Variants in RPS6KC1 observed in about 807,000 individuals in gnomAD.
RPS6KC1 encodes ribosomal protein S6 kinase C1.
A neutral mutation model predicts 103.8 loss-of-function variants in RPS6KC1; 54 were observed. That is an observed-to-expected ratio of 0.52 (90% CI 0.42 to 0.65). The LOEUF is 0.65. RPS6KC1 is among the 30% of genes least tolerant of loss of function. The probability of loss-of-function intolerance (pLI) is 0.00; values close to 1 mark genes in which losing one functional copy is unlikely to be tolerated. For synonymous variants in RPS6KC1, 439 were observed against 438.7 expected (o/e 1.00, Z -0.01); for missense variants, 1,151 against 1,253.8 (o/e 0.92, Z 1.24).
the RPS6KC1 span, among the ~76,000 whole-genome samples, chr1:213,676,702 G>A: frequency 3.0e-4 from 46 of 152,280 alleles, no homozygotes; most frequent in African/African-American, 6.7e-4. Context: ...GTGGAGCTAC[G>A]TTTAAAAGTG....
At chr1:213,802,094 T>C in the RPS6KC1 span, among the ~76,000 whole-genome samples, 1 of 152,224 alleles carries the variant, frequency 6.6e-6, no homozygotes, top group African/African-American at 2.4e-5. Flanking sequence ...TCGCTGCCCA[T>C]GACAATGGTG....
At chr1:213,353,114 T>C in the RPS6KC1 span, among the ~76,000 whole-genome samples, 1 of 152,246 alleles carries the variant, frequency 6.6e-6, no homozygotes, top group Non-Finnish European at 1.5e-5. Flanking sequence ...GTGTATTGTC[T>C]ATCTCCACCA....
intron 5 of RPS6KC1, among the ~76,000 whole-genome samples, chr1:213,124,256 G>C (rs1215725678): frequency 2.0e-5 from 3 of 152,138 alleles, no homozygotes; most frequent in African/African-American, 7.2e-5. Context: ...TGCCTTGATG[G>C]TGTTGGTGAA....
chr1:213,689,561 A>G, the RPS6KC1 span, among the ~76,000 whole-genome samples: 1 of 152,194 alleles, frequency 6.6e-6, no homozygotes, highest in East Asian at 1.9e-4. Context: ...AGTCAATCCA[A>G]TTCCATTCTA....
intron 8 of RPS6KC1, among the ~76,000 whole-genome samples, chr1:213,223,600 C>T (rs1423468791): frequency 1.3e-5 from 2 of 152,068 alleles, no homozygotes; most frequent in African/African-American, 4.8e-5. Flanking sequence ...TTTCTTTATC[C>T]ACTCATTGGT....
chr1:213,438,672 T>A, the RPS6KC1 span, among the ~76,000 whole-genome samples: 1 of 152,212 alleles, frequency 6.6e-6, no homozygotes, highest in East Asian at 1.9e-4. Context: ...ATTTTCTACT[T>A]GAATTCTCAG....
At chr1:213,674,785 G>A in the RPS6KC1 span, among the ~76,000 whole-genome samples, 3 of 152,262 alleles carry the variant, frequency 2.0e-5, no homozygotes, top group East Asian at 5.8e-4. Context: ...CTGAAGGCTT[G>A]CCAGCATCTG....
chr1:213,301,035 G>A, the RPS6KC1 span, among the ~76,000 whole-genome samples: 8 of 152,082 alleles, frequency 5.3e-5, no homozygotes, highest in Non-Finnish European at 8.8e-5. Context: ...CTACTGTGAC[G>A]CAATCCCATG....
chr1:213,194,128 C>T (rs989278928), intron 8 of RPS6KC1, among the ~76,000 whole-genome samples: 6 of 152,130 alleles, frequency 3.9e-5, no homozygotes, highest in African/African-American at 7.2e-5. Flanking sequence ...GTAAATATAG[C>T]TACTTCTGCT....
intron 1 of RPS6KC1, among the ~76,000 whole-genome samples, chr1:213,057,871 C>T (rs867227238): frequency 4.2e-4 from 59 of 141,956 alleles, no homozygotes; most frequent in Admixed American, 6.7e-4. Context: ...TCAAGCAATT[C>T]TCCCACCTCT....
rs2086966164 is a variant in RPS6KC1 at position 213,140,992 on chromosome 1, G to A, written c.835+11103G>A. 9.2e-5 allele frequency among the ~76,000 whole-genome samples: 14 copies of A among 151,740 alleles called. 1 individual carries two copies. In the Admixed American group the frequency reaches 9.3e-4, roughly 10 times the overall value. On this transcript the variant is annotated intron_variant, in intron 6 of 14. Transcript: ENST00000366960. ...GCTCACTGCAACCTCCCCCTCCCGGGTTCAAGTGATTCTCTTGCCTCAACC... is the reference window on the plus strand; with the variant it reads ...GCTCACTGCAACCTCCCCCTCCCGGATTCAAGTGATTCTCTTGCCTCAACC...
chr1:213,548,789 C>T, the RPS6KC1 span, among the ~76,000 whole-genome samples: 7 of 152,094 alleles, frequency 4.6e-5, no homozygotes, highest in African/African-American at 1.7e-4. Context: ...ATATGGTGGG[C>T]TCATGGGAAA....
chr1:213,061,537 C>A (rs1013408157), intron 1 of RPS6KC1, among the ~76,000 whole-genome samples: 2 of 150,470 alleles, frequency 1.3e-5, no homozygotes, highest in Admixed American at 6.6e-5. Flanking sequence ...GGTAAGGTAA[C>A]AATTGCCTAT....
chr1:213,057,018 T>C (rs1479334906), intron 1 of RPS6KC1, among the ~76,000 whole-genome samples: 1 of 152,112 alleles, frequency 6.6e-6, no homozygotes, highest in Non-Finnish European at 1.5e-5. Context: ...CGGCTCACTC[T>C]AGCCTTGACT....
chr1:213,736,438 G>A, the RPS6KC1 span, among the ~76,000 whole-genome samples: 20 of 152,286 alleles, frequency 1.3e-4, no homozygotes, highest in Non-Finnish European at 2.6e-4. Flanking sequence ...ACAGTTTCTT[G>A]CCAAGAGGCC....
At chr1:213,087,827 A>G (rs2080557617) in intron 3 of RPS6KC1, among the ~76,000 whole-genome samples, 1 of 152,062 alleles carries the variant, frequency 6.6e-6, no homozygotes, top group Non-Finnish European at 1.5e-5. Context: ...TCTGCCCCTC[A>G]GCTTTGGCCT....
intron 8 of RPS6KC1, among the ~76,000 whole-genome samples, chr1:213,205,543 T>TATATATATATATATATATAC (rs2093319669): frequency 9.1e-6 from 1 of 110,118 alleles, no homozygotes; most frequent in Non-Finnish European, 2.0e-5. Flanking sequence ...CATTTATATA[T>TATATATATATATATATATAC]ATAGATATAT....
intron 8 of RPS6KC1, among the ~76,000 whole-genome samples, chr1:213,207,897 G>T (rs2093398373): frequency 1.3e-5 from 2 of 151,898 alleles, no homozygotes; most frequent in Non-Finnish European, 2.9e-5. Context: ...GGTCTTGAAC[G>T]CCATACGTCA....
chr1:213,114,850 T>G (rs2083411226), intron 4 of RPS6KC1, among the ~76,000 whole-genome samples: 1 of 152,230 alleles, frequency 6.6e-6, no homozygotes, highest in Non-Finnish European at 1.5e-5. Context: ...TATGCTGGAT[T>G]ACATTTATTG....
Sources: gnomAD v4.1 joint callset for allele counts (sites outside exome capture counted in the v4.1 genomes callset) on GRCh38, gnomAD v4.1.1 for gene constraint, MANE v1.5 for transcripts, NCBI Gene and HGNC (gene_info 2026-07-23, HGNC 2026-07-21) for gene names.